The following DOCK8 variants were observed in gnomAD, a reference collection of about 807,000 sequenced individuals.
DOCK8 encodes dedicator of cytokinesis protein 8.
In DOCK8, 141 loss-of-function variants were observed where a neutral mutation model predicts 245.6. The observed-to-expected ratio is 0.57, with a 90% confidence interval of 0.50 to 0.66. DOCK8 has a LOEUF of 0.66. DOCK8 is among the 30% of genes least tolerant of loss of function. DOCK8 has a pLI of 0.00. For missense variants in DOCK8, 2,965 were observed against 2,603.4 expected, an observed-to-expected ratio of 1.14 and a Z score of -3.02; for synonymous variants, 1,168 against 970.2, an observed-to-expected ratio of 1.20 and a Z score of -3.79.
chr9:381,862 A>G (rs1455363124), intron 21 of DOCK8, among the ~76,000 whole-genome samples: 1 of 152,044 alleles, frequency 6.6e-6, no homozygotes, highest in Non-Finnish European at 1.5e-5. Context: ...CGGGAAGCTG[A>G]GGCAAGAGGA....
In DOCK8 at chr9:372,337, A is replaced by T. The variant is rs751061906; in HGVS notation, c.2109+51A>T. On this transcript the variant is annotated intron_variant, in intron 18 of 47. Transcript: ENST00000432829. ...GTTTCTTGTCCAGCTGTAGTCTTGG[A>T]CCACCTTCCCAGACTCACTTTCCAT... 168 of 1,440,560 alleles carry T rather than the reference A, an allele frequency of 1.2e-4. 1 individual carries two copies. Among genetic ancestry groups the T allele is most frequent in the Non-Finnish European group, 1.1e-4 (111 of 1,023,702 alleles). 89.2% of individuals were successfully genotyped at this position (1,440,560 alleles called of 1,614,324 possible). A position where few individuals can be genotyped will look rare whatever the true frequency, so the allele number is the denominator to read the frequency against.
chr9:429,531 T>C (rs2056630260), intron 35 of DOCK8, among the ~76,000 whole-genome samples, 171 bp from the exon 36 acceptor site: 1 of 152,234 alleles, frequency 6.6e-6, no homozygotes, highest in Non-Finnish European at 1.5e-5. Flanking sequence ...TCAAGTCTAC[T>C]CCATTGCTTA....
intron 1 of DOCK8, chr9:220,658 G>C: frequency 2.8e-6 from 1 of 356,556 alleles, no homozygotes; most frequent in Non-Finnish European, 5.3e-6. Flanking sequence ...ATTTGATAAA[G>C]GGTTAAAGCA....
At chr9:236,493 A>G (rs928960872) in intron 1 of DOCK8, among the ~76,000 whole-genome samples, 3 of 152,210 alleles carry the variant, frequency 2.0e-5, no homozygotes, top group Non-Finnish European at 4.4e-5. Flanking sequence ...GTTTCTACAC[A>G]GCCTCCAACA....
chr9:258,945 G>C (rs927760577), intron 1 of DOCK8, among the ~76,000 whole-genome samples: 12 of 150,660 alleles, frequency 8.0e-5, no homozygotes, highest in Non-Finnish European at 1.0e-4. Context: ...AAAGCTGTAT[G>C]TGTGTTTACA....
At chr9:352,213 C>A (rs2052205113) in intron 14 of DOCK8, among the ~76,000 whole-genome samples, 1 of 152,104 alleles carries the variant, frequency 6.6e-6, no homozygotes, top group Non-Finnish European at 1.5e-5. Flanking sequence ...GCTTCAGGGC[C>A]TAACTGCTCT....
rs191924493 is a variant in DOCK8, at chr9:406,854, A to G, written c.3391-76A>G. The G allele has an allele frequency of 3.8e-6, 6 of 1,596,380 alleles. No homozygotes were observed. The African/African-American group carries it at 6.7e-5, about 18-fold the overall frequency. On this transcript the variant is annotated intron_variant, in intron 27 of 47. Transcript: ENST00000432829. ...CTCACGAAGCCTGGCTGGGGCGAGG[A>G]CTCAGTAAACACTGGCCATCGCTAT...
rs1381603621 is a variant in DOCK8 at position 370,042 on chromosome 9, A to T, written c.1798-188A>T. 3.5e-5 allele frequency: 22 copies of T among 631,082 alleles called. No individual in the cohort carries two copies. In the East Asian group the frequency reaches 5.4e-4, roughly 15 times the overall value. 39.1% of individuals were successfully genotyped at this position (631,082 alleles called of 1,614,324 possible). A position where few individuals can be genotyped will look rare whatever the true frequency, so the allele number is the denominator to read the frequency against. On this transcript the variant is annotated intron_variant, in intron 15 of 47. Transcript: ENST00000432829. The stretch of plus-strand genomic sequence containing the variant: ...GGTCTCCAACTCCTGGGCTCAAGCC[A>T]TTCTCCCACGCCGACCTCCCAGAGT...
intron 45 of DOCK8, among the ~76,000 whole-genome samples, chr9:451,630 AAAAC>A (rs1564084636): frequency 1.3e-5 from 2 of 152,012 alleles, no homozygotes; most frequent in Non-Finnish European, 2.9e-5. Flanking sequence ...CTAAAAAACA[AAAAC>A]AAAACACACA....
intron 1 of DOCK8, among the ~76,000 whole-genome samples, chr9:248,637 C>T (rs771531449): frequency 6.6e-6 from 1 of 150,584 alleles, no homozygotes; most frequent in Non-Finnish European, 1.5e-5. Flanking sequence ...ATCTTTCTTA[C>T]TTTTGATGTA....
intron 32 of DOCK8, among the ~76,000 whole-genome samples, chr9:421,724 A>C (rs2056287532): frequency 6.6e-6 from 1 of 152,202 alleles, no homozygotes; most frequent in South Asian, 2.1e-4. Flanking sequence ...AGTGGTGGTC[A>C]GGCACCCTCA....
chr9:333,379 A>G (rs1441748145), intron 10 of DOCK8, among the ~76,000 whole-genome samples: 1 of 152,238 alleles, frequency 6.6e-6, no homozygotes, highest in Non-Finnish European at 1.5e-5. Flanking sequence ...AGGCGGGCAG[A>G]TCATGAGGTC....
intron 46 of DOCK8, chr9:456,609 G>A (rs1436350912): frequency 2.6e-5 from 4 of 152,178 alleles, no homozygotes; most frequent in Non-Finnish European, 4.4e-5. Context: ...AAGAATCCTG[G>A]CAGCCTGATT....
chr9:219,245 C>T (rs1465626356), intron 1 of DOCK8, among the ~76,000 whole-genome samples: 2 of 151,958 alleles, frequency 1.3e-5, no homozygotes, highest in Non-Finnish European at 1.5e-5. Context: ...CAAGGCGGGA[C>T]GATCACCTGA....
At chr9:347,886 A>G (rs2051981838) in intron 14 of DOCK8, among the ~76,000 whole-genome samples, 1 of 152,240 alleles carries the variant, frequency 6.6e-6, no homozygotes, top group Non-Finnish European at 1.5e-5. Flanking sequence ...TTCAGCCACT[A>G]GAGGACACAA....
chr9:247,333 T>A (rs952525079), intron 1 of DOCK8, among the ~76,000 whole-genome samples: 1 of 152,202 alleles, frequency 6.6e-6, no homozygotes, highest in Non-Finnish European at 1.5e-5. Context: ...CCTAAGTTAA[T>A]CAAATACGAC....
chr9:317,529 G>T (rs901398373), intron 7 of DOCK8, among the ~76,000 whole-genome samples: 2 of 152,182 alleles, frequency 1.3e-5, no homozygotes, highest in African/African-American at 4.8e-5. Flanking sequence ...TGGCCATGGC[G>T]AAAGTATTTA....
chr9:441,530 T>G, intron 41 of DOCK8, 113 bp downstream of exon 41: 2 of 1,513,956 alleles, frequency 1.3e-6, no homozygotes, highest in Non-Finnish European at 1.8e-6. Flanking sequence ...AGCACATTGC[T>G]TTTGCTCTCA....
In DOCK8 at chr9:304,670, C is replaced by T. The variant is rs146490788; in HGVS notation, c.494C>T (p.Ser165Leu). ...ACGCTTCCGAAACAGACGTTTGAGTCGGAAACCTTGGAGTGCAGTGAACCC... is the reference window on the plus strand; with the variant it reads ...ACGCTTCCGAAACAGACGTTTGAGTTGGAAACCTTGGAGTGCAGTGAACCC... The part of the protein sequence containing the change: ...HKTLPKQTFE[S>L]ETLECSEPAA... Residue 165 changes from serine (S) to leucine (L), a missense_variant, in exon 5 of 48, where the codon TCG becomes TTG. Physicochemically the swap from Ser to Leu is moderately radical, Grantham distance 145. Transcript: ENST00000432829. 7.4e-4 allele frequency: 1,194 copies of T among 1,613,980 alleles called. 3 individuals are homozygous for T. Among genetic ancestry groups the T allele is most frequent in the Non-Finnish European group, 9.1e-4 (1,077 of 1,180,020 alleles).
Sources: gnomAD v4.1 joint callset for allele counts (sites outside exome capture counted in the v4.1 genomes callset) on GRCh38, gnomAD v4.1.1 for gene constraint, MANE v1.5 for transcripts, NCBI Gene and HGNC (gene_info 2026-07-23, HGNC 2026-07-21) for gene names.